The following CACNB2 variants were observed in gnomAD, a reference collection of about 807,000 sequenced individuals.
CACNB2 encodes the protein calcium voltage-gated channel auxiliary subunit beta 2, also known as voltage-dependent L-type calcium channel subunit beta-2.
In CACNB2, 42 loss-of-function variants were observed where a neutral mutation model predicts 73.3. That is an observed-to-expected ratio of 0.57 (90% CI 0.45 to 0.74). The LOEUF (loss-of-function observed/expected upper bound fraction) is 0.74. Among genes scored for constraint, CACNB2 ranks in the 30% least tolerant of loss-of-function variants. CACNB2 has a pLI of 0.00. For missense variants in CACNB2, 940 were observed against 853.0 expected, an observed-to-expected ratio of 1.10 and a Z score of -1.27; for synonymous variants, 348 against 310.3, an observed-to-expected ratio of 1.12 and a Z score of -1.28.
intron 12 of CACNB2, 118 bp from the exon 13 acceptor site, chr10:18,538,062 G>C: frequency 1.1e-6 from 1 of 927,130 alleles, no homozygotes; most frequent in Non-Finnish European, 1.8e-6. Flanking sequence ...AGCACTTATA[G>C]AAGCAGGAGC....
intron 2 of CACNB2, among the ~76,000 whole-genome samples, chr10:18,227,538 A>G (rs1324609297): frequency 6.6e-6 from 1 of 152,206 alleles, no homozygotes; most frequent in East Asian, 1.9e-4. Flanking sequence ...AGCAAACCCA[A>G]ATGCCAAAGG....
intron 3 of CACNB2, among the ~76,000 whole-genome samples, chr10:18,408,194 T>C (rs886632216): frequency 1.3e-5 from 2 of 151,454 alleles, no homozygotes; most frequent in African/African-American, 4.9e-5. Context: ...AACAAAAAGT[T>C]TTCAAATGAA....
Position 18,140,778 on chromosome 10 carries a change from G to C in CACNB2, c.42G>C (p.Ala14=). 3.1e-6 allele frequency: 5 copies of C among 1,598,070 alleles called. No individual in the cohort carries two copies. Among genetic ancestry groups the C allele is most frequent in the Non-Finnish European group, 4.3e-6 (5 of 1,174,036 alleles). Residue 14 remains alanine, a synonymous_variant, in exon 1 of 14, where the codon GCG becomes GCC. Coordinates refer to ENST00000324631, the MANE Select transcript of CACNB2 (RefSeq NM_201596.3). ...RDMSKSPPTA[A]AAVAQEIQME... The stretch of plus-strand genomic sequence containing the variant: ...TGTCCAAGTCGCCTCCCACAGCGGC[G>C]GCGGCGGTGGCGCAGGAGATCCAGA...
chr10:18,465,895 G>T (rs1271482928), intron 3 of CACNB2, among the ~76,000 whole-genome samples: 1 of 152,076 alleles, frequency 6.6e-6, no homozygotes, highest in East Asian at 1.9e-4. Context: ...TTCCCAGGCT[G>T]CTCTCGAACT....
chr10:18,383,804 C>T (rs1352611913), intron 2 of CACNB2, among the ~76,000 whole-genome samples: 1 of 152,142 alleles, frequency 6.6e-6, no homozygotes, highest in African/African-American at 2.4e-5. Context: ...TTCCCGGATT[C>T]AAGCGATTCT....
intron 2 of CACNB2, among the ~76,000 whole-genome samples, chr10:18,371,478 G>C (rs540365549): frequency 1.3e-5 from 2 of 151,986 alleles, no homozygotes; most frequent in African/African-American, 2.4e-5. Flanking sequence ...TTGTCCTTGC[G>C]ATAGTTTGCT....
intron 2 of CACNB2, among the ~76,000 whole-genome samples, chr10:18,338,726 T>TTTCC (rs983391022): frequency 1.4e-5 from 2 of 145,284 alleles, no homozygotes; most frequent in African/African-American, 5.2e-5. Context: ...TCCTGCCTTC[T>TTTCC]TTCCTTCTTT....
chr10:18,449,203 T>G (rs574616781), intron 3 of CACNB2, among the ~76,000 whole-genome samples: 1 of 152,006 alleles, frequency 6.6e-6, no homozygotes, highest in Non-Finnish European at 1.5e-5. Context: ...GCTAACACGG[T>G]GAAACCCCGT....
rs59205683 is a variant in CACNB2, at chr10:18,358,497, GCTCTCTCTCTCTCTCTCTCTCTCT to G, written c.214-43395_214-43372del. On this transcript the variant is annotated intron_variant, in intron 2 of 13. Transcript: ENST00000324631. ...GGGAAATTCCTTTTCTAATGAGCAC[GCTCTCTCTCTCTCTCTCTCTCTCT>G]CTCTCTCTCTCTCTCTCTCTCTCTC... Among the ~76,000 whole-genome samples the G allele has an allele frequency of 9.7e-3, 1,015 of 104,338 alleles. 16 individuals are homozygous for G. Among genetic ancestry groups the G allele is most frequent in the African/African-American group, 0.036 (955 of 26,440 alleles). The allele number at this position is 104,338 out of a possible 152,430, so 68.4% of individuals were successfully genotyped here. A position where few individuals can be genotyped will look rare whatever the true frequency, so the allele number is the denominator to read the frequency against.
intron 2 of CACNB2, among the ~76,000 whole-genome samples, chr10:18,191,297 C>T (rs1365862148): frequency 6.6e-6 from 1 of 152,170 alleles, no homozygotes; most frequent in Non-Finnish European, 1.5e-5. Context: ...GGATTTGTCC[C>T]ATGACACAGA....
chr10:18,487,253 C>G (rs891573954), intron 3 of CACNB2, among the ~76,000 whole-genome samples: 2 of 152,150 alleles, frequency 1.3e-5, no homozygotes, highest in Non-Finnish European at 2.9e-5. Context: ...ACATGCCTGG[C>G]CCCCAGGTAG....
intron 2 of CACNB2, among the ~76,000 whole-genome samples, chr10:18,365,641 G>C (rs569708203): frequency 6.6e-6 from 1 of 151,762 alleles, no homozygotes; most frequent in Non-Finnish European, 1.5e-5. Flanking sequence ...TATTTTTTAA[G>C]AGGCTGAAGG....
At chr10:18,374,923 C>G (rs1245973473) in intron 2 of CACNB2, among the ~76,000 whole-genome samples, 1 of 152,118 alleles carries the variant, frequency 6.6e-6, no homozygotes, top group Admixed American at 6.6e-5. Context: ...CAGACTACCC[C>G]CTAAAGACAG....
intron 2 of CACNB2, among the ~76,000 whole-genome samples, chr10:18,301,007 G>A (rs1224261258): frequency 2.0e-5 from 3 of 152,134 alleles, no homozygotes; most frequent in Admixed American, 6.5e-5. Context: ...AGGAAAGAAC[G>A]CTATTTTAAC....
Position 18,534,199 on chromosome 10 carries a change from T to G in CACNB2, c.1178T>G (p.Ile393Arg), listed in dbSNP as rs139749312. The G allele has an allele frequency of 1.2e-5, 20 of 1,613,404 alleles. No individual in the cohort carries two copies. The highest frequency in any genetic ancestry group is 1.7e-5 in the Non-Finnish European group (20 of 1,179,348). Residue 393 changes from isoleucine to arginine, a missense_variant, in exon 11 of 14, where the codon ATA becomes AGA. By Grantham distance (97) the Ile-to-Arg change is moderately conservative. Transcript: ENST00000324631. ...AGTAAAACCTCCTTGGCCCCTATTA[T>G]AGTATATGTAAAGATTTCTTCTCCT... ...QLSKTSLAPI[I>R]VYVKISSPKV... is the part of the protein sequence containing the mutation.
At chr10:18,150,858 T>TTTG in intron 1 of CACNB2, 25 bp from the exon 2 acceptor site, 1 of 607,716 alleles carries the variant, frequency 1.6e-6, no homozygotes, top group Non-Finnish European at 2.4e-6. Context: ...TATTTGTCTT[T>TTTG]TTTTTTTTTT....
chr10:18,498,765 C>CT (rs1268736752), intron 4 of CACNB2: 27 of 365,952 alleles, frequency 7.4e-5, no homozygotes, highest in South Asian at 1.0e-4. Context: ...TTAACCTATA[C>CT]TTTTTTTTAA....
At chr10:18,233,309 C>G (rs1260115476) in intron 2 of CACNB2, among the ~76,000 whole-genome samples, 1 of 152,098 alleles carries the variant, frequency 6.6e-6, no homozygotes, top group Admixed American at 6.6e-5. Flanking sequence ...GGATGGGACA[C>G]TTAAGTCTCC....
chr10:18,456,254 T>C (rs1006016877), intron 3 of CACNB2, among the ~76,000 whole-genome samples: 9 of 152,066 alleles, frequency 5.9e-5, no homozygotes, highest in Non-Finnish European at 1.0e-4. Flanking sequence ...GCTTATCATT[T>C]CAGGCCAGGA....
Sources: allele counts gnomAD v4.1 joint callset (sites outside exome capture counted in the v4.1 genomes callset), GRCh38; gene constraint gnomAD v4.1.1; transcripts MANE v1.5; gene names NCBI Gene and HGNC (gene_info 2026-07-23, HGNC 2026-07-21).